The following GPR176 variants were observed in gnomAD, a reference collection of about 807,000 sequenced individuals.
The protein encoded by GPR176 is G protein-coupled receptor 176.
Under a neutral mutation model 35.4 loss-of-function variants are expected in GPR176, and 26 were observed. That is an observed-to-expected ratio of 0.74 (90% CI 0.54 to 1.02). GPR176 has a LOEUF of 1.02. Ranked by LOEUF, GPR176 falls within the 50% of genes least tolerant of loss-of-function variation. GPR176 has a pLI of 0.00. For synonymous variants in GPR176, 278 were observed against 271.3 expected (o/e 1.02, Z -0.24); for missense variants, 597 against 665.3 (o/e 0.90, Z 1.13).
At chr15:39,806,898 G>A in intron 2 of GPR176, 108 bp downstream of exon 2, 1 of 940,196 alleles carries the variant, frequency 1.1e-6, no homozygotes, top group Non-Finnish European at 1.6e-6. Flanking sequence ...ATCACAAGCT[G>A]ACTAAAAAGC....
At chr15:39,875,431 T>G (rs917936163) in intron 1 of GPR176, among the ~76,000 whole-genome samples, 2 of 152,186 alleles carry the variant, frequency 1.3e-5, no homozygotes, top group Non-Finnish European at 2.9e-5. Context: ...GATGGACAAA[T>G]ATTTTCATAT....
At chr15:39,810,090 A>G (rs1341727914) in intron 1 of GPR176, among the ~76,000 whole-genome samples, 1 of 150,928 alleles carries the variant, frequency 6.6e-6, no homozygotes, top group Non-Finnish European at 1.5e-5. Flanking sequence ...GCTTGCAGTG[A>G]GCTGAGATCG....
At chr15:39,802,635 T>C (rs535974129) in intron 2 of GPR176, among the ~76,000 whole-genome samples, 19 of 152,322 alleles carry the variant, frequency 1.2e-4, no homozygotes, top group African/African-American at 4.6e-4. Context: ...ACTTTTCAAT[T>C]TGAGGGTAAA....
intron 1 of GPR176, among the ~76,000 whole-genome samples, chr15:39,905,495 A>G (rs970800019): frequency 6.6e-6 from 1 of 151,980 alleles, no homozygotes; most frequent in South Asian, 2.1e-4. Flanking sequence ...GTGGCGGCAC[A>G]TAACAGTGGG....
intron 1 of GPR176, among the ~76,000 whole-genome samples, chr15:39,895,637 C>G (rs1276930585): frequency 6.6e-6 from 1 of 152,128 alleles, no homozygotes; most frequent in Non-Finnish European, 1.5e-5. Flanking sequence ...ACAACAAATA[C>G]AACTCTGTAA....
At chr15:39,854,238 T>C (rs1032811075) in intron 1 of GPR176, among the ~76,000 whole-genome samples, 6 of 152,156 alleles carry the variant, frequency 3.9e-5, no homozygotes, top group Non-Finnish European at 7.3e-5. Flanking sequence ...TCAGGACCTG[T>C]GATGTAAACT....
chr15:39,877,108 G>A (rs187257445), intron 1 of GPR176, among the ~76,000 whole-genome samples: 2 of 152,178 alleles, frequency 1.3e-5, no homozygotes, highest in Admixed American at 1.3e-4. Context: ...CAATTATTGA[G>A]TCTAGCAGCT....
At chr15:39,915,294 T>C (rs1200808370) in intron 1 of GPR176, among the ~76,000 whole-genome samples, 4 of 152,230 alleles carry the variant, frequency 2.6e-5, no homozygotes, top group Non-Finnish European at 4.4e-5. Context: ...TTCTGCTATA[T>C]CCTCACATGG....
intron 2 of GPR176, among the ~76,000 whole-genome samples, chr15:39,804,521 C>G (rs1256503095): frequency 6.6e-6 from 1 of 151,600 alleles, no homozygotes; most frequent in African/African-American, 2.4e-5. Flanking sequence ...TGTTTAAGAC[C>G]AAGGCCCCAG....
chr15:39,829,338 C>G, intron 1 of GPR176: 1 of 1,347,018 alleles, frequency 7.4e-7, no homozygotes, highest in African/African-American at 1.5e-5. Flanking sequence ...TGCCAAAGTT[C>G]CATGGGGGCA....
chr15:39,882,935 G>A (rs1188469750), intron 1 of GPR176, among the ~76,000 whole-genome samples: 1 of 152,194 alleles, frequency 6.6e-6, no homozygotes, highest in Admixed American at 6.5e-5. Flanking sequence ...AGTGGCAAAT[G>A]TCGGCAATGC....
chr15:39,801,331 G>C lies in GPR176; in HGVS notation c.1349C>G (p.Ser450Cys), dbSNP rs746182249. ...AAAAGGCCCAAAGCCAAACTGCAGGGAATACTTATCAGGGAATGTTTCAGG... is the reference window on the plus strand; with the variant it reads ...AAAAGGCCCAAAGCCAAACTGCAGGCAATACTTATCAGGGAATGTTTCAGG... The part of the protein sequence containing the change: ...VEPETFPDKY[S>C]LQFGFGPFEL... The change falls in exon 3 of 3, where the codon TCC becomes TGC. Residue 450 changes from serine to cysteine, a missense_variant. By Grantham distance (112) the Ser-to-Cys change is moderately radical. Around this residue, in one of 3 missense-constraint regions of GPR176, gnomAD observed 251 missense variants for 255.4 expected, o/e 0.98. Transcript: ENST00000561100. 1 of 1,614,092 alleles carries C rather than the reference G, an allele frequency of 6.2e-7. No homozygotes were observed. Among genetic ancestry groups the C allele is most frequent in the South Asian group, 1.1e-5 (1 of 91,080 alleles).
chr15:39,829,257 T>C, intron 1 of GPR176: 1 of 1,458,254 alleles, frequency 6.9e-7, no homozygotes, highest in Non-Finnish European at 9.0e-7. Flanking sequence ...AAAAGCCACT[T>C]GGACTCGGGC....
intron 1 of GPR176, among the ~76,000 whole-genome samples, chr15:39,889,354 CCTGA>C (rs2032781619): frequency 1.3e-5 from 2 of 151,976 alleles, no homozygotes; most frequent in African/African-American, 4.8e-5. Context: ...TCGAGACCAG[CCTGA>C]CTAACATGGA....
At chr15:39,892,124 G>A (rs914902272) in intron 1 of GPR176, among the ~76,000 whole-genome samples, 7 of 152,188 alleles carry the variant, frequency 4.6e-5, no homozygotes, top group African/African-American at 1.7e-4. Flanking sequence ...GAAAAAGAAA[G>A]TATGAAGCAC....
chr15:39,837,109 T>A (rs1901450643), intron 1 of GPR176, among the ~76,000 whole-genome samples: 1 of 152,168 alleles, frequency 6.6e-6, no homozygotes, highest in Non-Finnish European at 1.5e-5. Flanking sequence ...TTTCACAATA[T>A]CCACTGCCTA....
intron 1 of GPR176, among the ~76,000 whole-genome samples, chr15:39,905,999 C>G (rs1437078673): frequency 6.6e-6 from 1 of 152,148 alleles, no homozygotes; most frequent in Admixed American, 6.5e-5. Flanking sequence ...ACAGGCATCT[C>G]TCTGTATTTA....
rs538388450 is a variant in GPR176 at position 39,840,915 on chromosome 15, A to G, written c.173-33657T>C. On this transcript the variant is annotated intron_variant, in intron 1 of 2. Coordinates refer to ENST00000561100, the MANE Select transcript of GPR176 (RefSeq NM_007223.3). ...TTGATCTGAATTTGAGGCAGGTATT[A>G]CTAGTTGCCCCCTGAGGAAACAGAA... Among the ~76,000 whole-genome samples, 3 of 152,258 alleles carry G rather than the reference A, an allele frequency of 2.0e-5. No homozygotes were observed. The East Asian group carries it at 5.8e-4, about 29-fold the overall frequency.
intron 1 of GPR176, among the ~76,000 whole-genome samples, chr15:39,913,970 T>C (rs1218639347): frequency 7.9e-5 from 12 of 152,012 alleles, no homozygotes; most frequent in East Asian, 5.8e-4. Flanking sequence ...GGCGTGAACC[T>C]GGGAGGCGGA....
Sources: allele counts gnomAD v4.1 joint callset (sites outside exome capture counted in the v4.1 genomes callset), GRCh38; gene constraint gnomAD v4.1.1; regional missense constraint gnomAD v4.1.1; transcripts MANE v1.5; gene names NCBI Gene and HGNC (gene_info 2026-07-23, HGNC 2026-07-21).